SCAMP5: variants seen among roughly 807,000 people sequenced by gnomAD.
SCAMP5 encodes secretory carrier membrane protein 5, also known as secretory carrier-associated membrane protein 5.
In SCAMP5, 7 loss-of-function variants were observed where a neutral mutation model predicts 28.3. The observed-to-expected ratio is 0.25, with a 90% confidence interval of 0.14 to 0.46. The LOEUF is 0.46. Among genes scored for constraint, SCAMP5 ranks in the 20% least tolerant of loss-of-function variants. The pLI, the probability that SCAMP5 is intolerant of heterozygous loss-of-function variation, is 0.99. For missense variants in SCAMP5, 192 were observed against 312.5 expected (o/e 0.61, Z 2.91); for synonymous variants, 117 against 116.4 (o/e 1.00, Z -0.03).
In SCAMP5 at chr15:75,016,577, G is replaced by T. The variant is rs1363365102; in HGVS notation, c.137-16G>T. 9.3e-6 allele frequency: 15 copies of T among 1,608,250 alleles called. No individual in the cohort carries two copies. The highest frequency in any genetic ancestry group is 1.7e-5 in the Admixed American group (1 of 59,708). On this transcript the variant is annotated splice_polypyrimidine_tract_variant and intron_variant, in intron 3 of 6. Coordinates refer to ENST00000425597, the MANE Select transcript of SCAMP5 (RefSeq NM_138967.4). ...GGTGTCTGTCTCTATGTGTGCATGT[G>T]CTCCTGGGCCTGCAGTGAACAGCGT...
chr15:74,997,323 C>T (rs750227345), intron 1 of SCAMP5: 1 of 152,182 alleles, frequency 6.6e-6, no homozygotes, highest in Non-Finnish European at 1.5e-5. Context: ...GCAGGTTTGA[C>T]AGCAGCTTTG....
rs748245375 is a variant in SCAMP5 at position 75,016,612 on chromosome 15, C to T, written c.156C>T (p.Ala52=). 8.1e-6 allele frequency: 13 copies of T among 1,613,220 alleles called. No homozygotes were observed. Among genetic ancestry groups the T allele is most frequent in the South Asian group, 2.2e-5 (2 of 91,020 alleles). The change falls in exon 4 of 7, where the codon GCC becomes GCT. Residue 52 remains alanine, a synonymous_variant. Transcript: ENST00000425597. ...CTGCAGTGAACAGCGTCACGCTGGC[C>T]GTGAACCTGGTGGGCTGTCTCGCGT... The part of the protein sequence containing the change: ...YLWMLNSVTL[A]VNLVGCLAWL...
intron 3 of SCAMP5, among the ~76,000 whole-genome samples, chr15:75,016,099 C>T (rs779656247): frequency 6.6e-6 from 1 of 151,998 alleles, no homozygotes; most frequent in South Asian, 2.1e-4. Context: ...AGTGTAAGGT[C>T]GGTTTCCCAT....
intron 1 of SCAMP5, among the ~76,000 whole-genome samples, chr15:75,007,433 G>GCA (rs1385504119): frequency 6.6e-6 from 1 of 152,118 alleles, no homozygotes; most frequent in Admixed American, 6.6e-5. Context: ...TGCCGCCCGG[G>GCA]CTGGAGTGCA....
At chr15:75,010,481 T>C (rs557374720) in intron 1 of SCAMP5, among the ~76,000 whole-genome samples, 54 of 152,310 alleles carry the variant, frequency 3.5e-4, no homozygotes, top group African/African-American at 1.2e-3. Context: ...TCCAGCCTCA[T>C]CTGCTGCCCC....
intron 3 of SCAMP5, among the ~76,000 whole-genome samples, chr15:75,014,349 T>C (rs1374082555): frequency 1.3e-5 from 2 of 150,430 alleles, no homozygotes; most frequent in African/African-American, 4.8e-5. Context: ...TCTGTAGATG[T>C]TGGGAAGCAA....
Position 75,017,916 on chromosome 15 carries a change from G to T in SCAMP5, c.340G>T (p.Ala114Ser). The T allele has an allele frequency of 1.2e-6, 2 of 1,613,892 alleles. No individual in the cohort carries two copies. Among genetic ancestry groups the T allele is most frequent in the Non-Finnish European group, 1.7e-6 (2 of 1,179,826 alleles). ...SFMAFFFTFM[A>S]QLVISIIQAV... The stretch of plus-strand genomic sequence containing the variant: ...CATGGCATTCTTCTTTACCTTCATG[G>T]CTCAGTTGGTCATCAGCATCATCCA... Residue 114 changes from alanine to serine, a missense_variant, in exon 5 of 7, where the codon GCT becomes TCT. Transcript: ENST00000425597.
In SCAMP5 at chr15:75,018,898, C is replaced by T. The variant is rs752200247; in HGVS notation, c.623C>T (p.Ala208Val). ...PHVQQAAQNA[A>V]MGAAQGAMNQ... is the part of the protein sequence containing the mutation. The stretch of plus-strand genomic sequence containing the variant: ...GTGCAGCAGGCAGCCCAGAACGCAG[C>T]CATGGGGGCAGCCCAGGGTGCCATG... The change falls in exon 7 of 7, where the codon GCC (alanine) becomes GTC (valine). Residue 208 changes from alanine to valine, a missense_variant. Physicochemically the swap from Ala to Val is moderately conservative, Grantham distance 64. Transcript: ENST00000425597. The surrounding 1 kb of genome is among the most constrained non-coding windows in gnomAD (Gnocchi z 5.6). 6.3e-7 allele frequency: 1 copy of T among 1,584,958 alleles called. No homozygotes were observed. The highest frequency in any genetic ancestry group is 8.5e-7 in the Non-Finnish European group (1 of 1,172,194).
chr15:75,010,646 T>C (rs1252108381), intron 1 of SCAMP5, among the ~76,000 whole-genome samples: 2 of 152,174 alleles, frequency 1.3e-5, no homozygotes, highest in Non-Finnish European at 2.9e-5. Flanking sequence ...ACCTCCTCTC[T>C]ACAAAATATT....
At position 75,019,165 on chromosome 15, in the gene SCAMP5, C is replaced by T. The variant is rs193027496; in HGVS notation, c.*182C>T. ...TGTCTGTACCCCAGCCCCCACCTTT[C>T]AGATTCTGCTCTTGGCACTCAGCTG... On this transcript the variant is annotated 3_prime_UTR_variant, in exon 7 of 7. Transcript: ENST00000425597. 4.0e-4 allele frequency: 165 copies of T among 409,492 alleles called. 1 individual carries two copies. In the East Asian group the frequency reaches 5.3e-3, roughly 13 times the overall value. The allele number at this position is 409,492 out of a possible 1,614,324, so 25.4% of individuals were successfully genotyped here.
At chr15:75,012,858 C>G (rs1165155424) in intron 3 of SCAMP5, 53 bp downstream of exon 3, 3 of 1,586,246 alleles carry the variant, frequency 1.9e-6, no homozygotes, top group Non-Finnish European at 2.6e-6. Flanking sequence ...GGCAGGAAGA[C>G]TGGGCGTGCT....
At chr15:75,013,570 C>T (rs1443764932) in intron 3 of SCAMP5, among the ~76,000 whole-genome samples, 1 of 152,124 alleles carries the variant, frequency 6.6e-6, no homozygotes, top group Admixed American at 6.5e-5. Flanking sequence ...TGTGGTGGCT[C>T]ACACTTGTAG....
In SCAMP5 at chr15:75,016,701, C is replaced by T; in HGVS notation, c.245C>T (p.Thr82Ile). The change falls in exon 4 of 7, where the codon ACA (threonine) becomes ATA (isoleucine). Residue 82 changes from threonine (T) to isoleucine (I), a missense_variant. Thr to Ile is a moderately conservative substitution (Grantham distance 89). Transcript: ENST00000425597. ...GCCTTTCTCTGGCTCATCCTCTTCACACCCTGCTCCTACGTCTGCTGGTTT... is the reference window on the plus strand; with the variant it reads ...GCCTTTCTCTGGCTCATCCTCTTCATACCCTGCTCCTACGTCTGCTGGTTT... ...GLAFLWLILF[T>I]PCSYVCWFRP... 1.2e-6 allele frequency: 2 copies of T among 1,613,952 alleles called. No individual in the cohort carries two copies. The highest frequency in any genetic ancestry group is 1.7e-6 in the Non-Finnish European group (2 of 1,179,886).
rs1026483512 is a variant in SCAMP5 at position 75,011,802 on chromosome 15, A to G, written c.-38A>G. 4 of 1,605,652 alleles carry G rather than the reference A, an allele frequency of 2.5e-6. No homozygotes were observed. The Admixed American group carries it at 5.0e-5, about 20-fold the overall frequency. On this transcript the variant is annotated 5_prime_UTR_variant, in exon 2 of 7. Transcript: ENST00000425597. ...TTTCTTTCCTTGCAGTTCAGGACAA[A>G]GAGGTGTGGGCAGGCCACTGGGCCA... is the stretch of plus-strand genomic sequence containing the variant.
At chr15:75,005,261 G>A (rs1245447761) in intron 1 of SCAMP5, among the ~76,000 whole-genome samples, 2 of 151,776 alleles carry the variant, frequency 1.3e-5, no homozygotes, top group East Asian at 1.9e-4. Context: ...TCGGGAGTTT[G>A]AGACCAGCCT....
chr15:75,012,889 C>A, intron 3 of SCAMP5, 84 bp downstream of exon 3: 2 of 1,366,510 alleles, frequency 1.5e-6, no homozygotes, highest in Non-Finnish European at 2.1e-6. Flanking sequence ...GTGGGGTGCC[C>A]ACAGGCCTGA....
intron 4 of SCAMP5, among the ~76,000 whole-genome samples, chr15:75,017,337 C>A (rs1392988246): frequency 6.6e-6 from 1 of 152,182 alleles, no homozygotes; most frequent in Non-Finnish European, 1.5e-5. Context: ...TGTACCAAGG[C>A]TATCTGTCTT....
At chr15:75,016,533 G>C in intron 3 of SCAMP5, 60 bp from the exon 4 acceptor site, 1 of 1,529,820 alleles carries the variant, frequency 6.5e-7, no homozygotes, top group Non-Finnish European at 8.9e-7. Context: ...GGGTGCTCAT[G>C]TGTCTCTCTA....
chr15:75,008,454 A>G (rs994937946), intron 1 of SCAMP5, among the ~76,000 whole-genome samples: 4 of 147,162 alleles, frequency 2.7e-5, no homozygotes, highest in African/African-American at 1.0e-4. Flanking sequence ...TTTACTTAAT[A>G]TATCCTGGAA....
Sources: gnomAD v4.1 joint callset for allele counts (sites outside exome capture counted in the v4.1 genomes callset) on GRCh38, gnomAD v4.1.1 for gene constraint, Gnocchi (gnomAD v3.1) non-coding constraint, MANE v1.5 for transcripts, NCBI Gene and HGNC (gene_info 2026-07-23, HGNC 2026-07-21) for gene names.